SOX5: variants seen among roughly 807,000 people sequenced by gnomAD.
SOX5 encodes transcription factor SOX-5.
Under a neutral mutation model 92.0 loss-of-function variants are expected in SOX5, and 9 were observed. The ratio of observed to expected loss-of-function variants is 0.10; its 90% CI spans 0.06 to 0.17. The LOEUF is 0.17. Among genes scored for constraint, SOX5 ranks in the 10% least tolerant of loss-of-function variants. The pLI, the probability that SOX5 is intolerant of heterozygous loss-of-function variation, is 1.00. For synonymous variants in SOX5, 344 were observed against 336.3 expected, an observed-to-expected ratio of 1.02 and a Z score of -0.25; for missense variants, 642 against 944.5, an observed-to-expected ratio of 0.68 and a Z score of 4.20.
intron 2 of SOX5, chr12:24,357,262 T>G (rs1373013139): frequency 6.6e-6 from 1 of 152,204 alleles, no homozygotes; most frequent in Non-Finnish European, 1.5e-5. Context: ...TAAGAAATTT[T>G]TTTAAGACAA....
chr12:23,959,411 C>G (rs551412274), intron 4 of SOX5, among the ~76,000 whole-genome samples: 1 of 151,844 alleles, frequency 6.6e-6, no homozygotes, highest in African/African-American at 2.4e-5. Flanking sequence ...ACAAAATGCC[C>G]TATATGCTCA....
chr12:23,963,326 A>T, intron 4 of SOX5, among the ~76,000 whole-genome samples: 1 of 152,232 alleles, frequency 6.6e-6, no homozygotes, highest in East Asian at 1.9e-4. Flanking sequence ...CAAAGGAGAC[A>T]TCACTTATGT....
chr12:24,116,019 A>T (rs143628171), intron 4 of SOX5, among the ~76,000 whole-genome samples: 2 of 152,314 alleles, frequency 1.3e-5, no homozygotes, highest in African/African-American at 4.8e-5. Flanking sequence ...ATTAAGGTAT[A>T]TACATAGATC....
intron 1 of SOX5, among the ~76,000 whole-genome samples, chr12:24,380,152 C>T (rs1656335355): frequency 6.6e-6 from 1 of 152,168 alleles, no homozygotes; most frequent in Non-Finnish European, 1.5e-5. Context: ...TCCATTGACA[C>T]ACGTAATTGT....
chr12:24,206,584 TC>T (rs1327969501), intron 4 of SOX5, among the ~76,000 whole-genome samples: 1 of 151,268 alleles, frequency 6.6e-6, no homozygotes, highest in East Asian at 2.0e-4. Flanking sequence ...ATCAACCGCC[TC>T]CCCCCAAGAA....
At chr12:23,966,738 A>G (rs1314645615) in intron 4 of SOX5, among the ~76,000 whole-genome samples, 2 of 152,200 alleles carry the variant, frequency 1.3e-5, no homozygotes, top group African/African-American at 2.4e-5. Flanking sequence ...GGGGATAACA[A>G]TACTTATCTT....
At chr12:23,608,094 A>ACGT (rs1306844114) in intron 8 of SOX5, among the ~76,000 whole-genome samples, 1 of 134,654 alleles carries the variant, frequency 7.4e-6, no homozygotes, top group Non-Finnish European at 1.6e-5. Context: ...ACATAGTGAG[A>ACGT]CGTTGTCTCA....
chr12:24,216,329 A>C (rs1959169233), intron 3 of SOX5, among the ~76,000 whole-genome samples: 1 of 152,080 alleles, frequency 6.6e-6, no homozygotes, highest in Non-Finnish European at 1.5e-5. Flanking sequence ...TAAAAATACA[A>C]AACATTTAGC....
chr12:24,268,681 A>G (rs1359251082), intron 3 of SOX5, among the ~76,000 whole-genome samples: 8 of 152,232 alleles, frequency 5.3e-5, no homozygotes, highest in Non-Finnish European at 1.0e-4. Flanking sequence ...AATTAGGTGC[A>G]CAGGTATGTA....
At chr12:24,368,530 T>C (rs1450415388) in intron 2 of SOX5, 1 of 152,236 alleles carries the variant, frequency 6.6e-6, no homozygotes, top group Non-Finnish European at 1.5e-5. Flanking sequence ...ACAAGCATCA[T>C]ATTAAAAATA....
intron 3 of SOX5, among the ~76,000 whole-genome samples, chr12:23,798,024 T>C (rs996295198): frequency 1.3e-5 from 2 of 152,044 alleles, no homozygotes; most frequent in African/African-American, 4.8e-5. Context: ...TTCAAGTCTT[T>C]TGTTCAAATG....
rs141863667 is a variant in SOX5 at position 23,791,780 on chromosome 12, A to G, written c.482-36056T>C. 6.1e-3 allele frequency among the ~76,000 whole-genome samples: 924 copies of G among 152,194 alleles called. 12 individuals are homozygous for G. The highest frequency in any genetic ancestry group is 0.021 in the African/African-American group (883 of 41,554). On this transcript the variant is annotated intron_variant, in intron 3 of 14. Transcript: ENST00000451604. Reference sequence around the variant, plus strand: ...TTGTGGTTGATGTGGTTCTTTAAACATAGTTTATAATAAGTGAAATACTGA... The same window carrying G: ...TTGTGGTTGATGTGGTTCTTTAAACGTAGTTTATAATAAGTGAAATACTGA...
intron 1 of SOX5, among the ~76,000 whole-genome samples, chr12:24,445,865 A>C (rs1217999274): frequency 6.6e-6 from 1 of 152,208 alleles, no homozygotes; most frequent in Non-Finnish European, 1.5e-5. Context: ...GAACAGGGTT[A>C]GCTTTATTCT....
At chr12:24,459,762 T>A (rs1216697704) in intron 1 of SOX5, among the ~76,000 whole-genome samples, 3 of 152,210 alleles carry the variant, frequency 2.0e-5, no homozygotes, top group Admixed American at 1.3e-4. Flanking sequence ...CATACTTGTA[T>A]AATTATCTTG....
chr12:24,142,495 G>T (rs752451369), intron 4 of SOX5, among the ~76,000 whole-genome samples: 1 of 151,926 alleles, frequency 6.6e-6, no homozygotes, highest in Non-Finnish European at 1.5e-5. Flanking sequence ...TGCGCAATTT[G>T]TGGGGTGGAC....
chr12:23,818,672 AAATT>A (rs1246885116), intron 3 of SOX5, among the ~76,000 whole-genome samples: 2 of 152,200 alleles, frequency 1.3e-5, no homozygotes, highest in Non-Finnish European at 2.9e-5. Context: ...ATAATTAATT[AAATT>A]AACTTTTTGA....
chr12:23,957,850 T>G (rs1270372730), intron 4 of SOX5, among the ~76,000 whole-genome samples: 3 of 152,164 alleles, frequency 2.0e-5, no homozygotes, highest in Non-Finnish European at 4.4e-5. Flanking sequence ...AAATCATCTA[T>G]ATATTAAAAT....
intron 2 of SOX5, among the ~76,000 whole-genome samples, chr12:24,335,905 C>T (rs917095292): frequency 7.3e-6 from 1 of 136,486 alleles, no homozygotes; most frequent in Non-Finnish European, 1.6e-5. Context: ...AATTTCAAGG[C>T]TCAGGAATTG....
intron 4 of SOX5, among the ~76,000 whole-genome samples, chr12:24,181,504 T>C (rs2139285384): frequency 6.6e-6 from 1 of 152,308 alleles, no homozygotes; most frequent in African/African-American, 2.4e-5. Flanking sequence ...TTTTAATGTA[T>C]CTATCTCCAC....
Sources: gnomAD v4.1 joint callset for allele counts (sites outside exome capture counted in the v4.1 genomes callset) on GRCh38, gnomAD v4.1.1 for gene constraint, MANE v1.5 for transcripts, NCBI Gene and HGNC (gene_info 2026-07-23, HGNC 2026-07-21) for gene names.